The following NEMP2 variants were observed in gnomAD, a reference collection of about 807,000 sequenced individuals.
NEMP2 encodes the protein nuclear envelope integral membrane protein 2, also known as UPF0571 transmembrane protein.
A neutral mutation model predicts 54.2 loss-of-function variants in NEMP2; 53 were observed. That is an observed-to-expected ratio of 0.98 (90% CI 0.78 to 1.23). The LOEUF (loss-of-function observed/expected upper bound fraction) is 1.23. Among genes scored for constraint, NEMP2 ranks in the 50% most tolerant of loss-of-function variants. NEMP2 has a pLI of 0.00. For synonymous variants in NEMP2, 197 were observed against 190.3 expected (o/e 1.04, Z -0.29); for missense variants, 455 against 511.3 (o/e 0.89, Z 1.06).
the NEMP2 span, among the ~76,000 whole-genome samples, chr2:190,601,472 C>G: frequency 2.6e-5 from 4 of 152,176 alleles, no homozygotes; most frequent in South Asian, 8.3e-4. This position sits in a 1 kb window ranked among gnomAD's most constrained non-coding sequence, Gnocchi z 5.8. Flanking sequence ...GGTCTTGACT[C>G]AAAGCTCCTG....
chr2:190,492,007 G>A, the NEMP2 span, among the ~76,000 whole-genome samples: 2 of 152,134 alleles, frequency 1.3e-5, no homozygotes, highest in Non-Finnish European at 2.9e-5. The surrounding 1 kb of genome is among the most constrained non-coding windows in gnomAD (Gnocchi z 5.2). Flanking sequence ...TTACAGAAAT[G>A]CAAAATGTTC....
intron 1 of NEMP2, chr2:190,534,068 CAGA>C (rs1691264282): frequency 3.2e-6 from 3 of 950,086 alleles, no homozygotes; most frequent in Non-Finnish European, 2.5e-6. Context: ...CAGTCAGGGG[CAGA>C]AGAATTTTCG....
At chr2:190,595,862 C>G in the NEMP2 span, among the ~76,000 whole-genome samples, 5 of 152,092 alleles carry the variant, frequency 3.3e-5, no homozygotes, top group Admixed American at 2.6e-4. This position sits in a 1 kb window ranked among gnomAD's most constrained non-coding sequence, Gnocchi z 4.0. Context: ...GGACCTATAA[C>G]CAGAAATATC....
the NEMP2 span, chr2:190,626,617 G>A: frequency 2.2e-4 from 33 of 152,228 alleles, 1 homozygote; most frequent in Admixed American, 2.2e-3. The surrounding 1 kb of genome is among the most constrained non-coding windows in gnomAD (Gnocchi z 4.5). Context: ...TAAAAGTGCG[G>A]TACAGCTGCA....
At chr2:190,613,803 T>A in the NEMP2 span, among the ~76,000 whole-genome samples, 1 of 152,080 alleles carries the variant, frequency 6.6e-6, no homozygotes, top group Non-Finnish European at 1.5e-5. Flanking sequence ...TTGGCCAGGC[T>A]GCTCTTGAAC....
chr2:190,614,354 C>G, the NEMP2 span, among the ~76,000 whole-genome samples: 5 of 151,724 alleles, frequency 3.3e-5, no homozygotes, highest in South Asian at 1.1e-3. The surrounding 1 kb of genome is among the most constrained non-coding windows in gnomAD (Gnocchi z 5.7). Context: ...GTTGTAATAG[C>G]TATTAATGAA....
At chr2:190,557,567 G>A in the NEMP2 span, among the ~76,000 whole-genome samples, 1 of 151,742 alleles carries the variant, frequency 6.6e-6, no homozygotes, top group South Asian at 2.1e-4. Context: ...TTTTTGCAAT[G>A]TATCCATCTG....
upstream of NEMP2, chr2:190,535,034 G>A (rs1445240253): frequency 5.5e-6 from 1 of 181,026 alleles, no homozygotes; most frequent in Non-Finnish European, 1.1e-5. Flanking sequence ...GGGAGTTGCA[G>A]AGAGGAAGAG....
chr2:190,491,307 C>CA, the NEMP2 span, among the ~76,000 whole-genome samples: 24 of 152,162 alleles, frequency 1.6e-4, no homozygotes, highest in Admixed American at 1.4e-3. The surrounding 1 kb of genome is among the most constrained non-coding windows in gnomAD (Gnocchi z 4.2). Context: ...GACCGAGTAG[C>CA]ATGTGGAGAC....
the NEMP2 span, among the ~76,000 whole-genome samples, chr2:190,544,303 T>G: frequency 6.6e-6 from 1 of 152,204 alleles, no homozygotes; most frequent in Non-Finnish European, 1.5e-5. Flanking sequence ...TAATAAGTCA[T>G]GTCAAAACTA....
rs1184731689 is a variant in NEMP2 at position 190,519,794 on chromosome 2, G to C, written c.214-611C>G. On this transcript the variant is annotated intron_variant, in intron 2 of 8. Transcript: ENST00000409150. The surrounding 1 kb of genome is among the most constrained non-coding windows in gnomAD (Gnocchi z 5.4). ...TAAAAAGGATAAGAAGAATGTACAG[G>C]CATACCCATTTTATTGTTTTACATC... is the stretch of plus-strand genomic sequence containing the variant. Among the ~76,000 whole-genome samples, 1 of 152,122 alleles carries C rather than the reference G, an allele frequency of 6.6e-6. No individual in the cohort carries two copies. The highest frequency in any genetic ancestry group is 2.4e-5 in the African/African-American group (1 of 41,420).
the NEMP2 span, among the ~76,000 whole-genome samples, chr2:190,456,042 G>C: frequency 1.5e-5 from 2 of 134,054 alleles, no homozygotes; most frequent in Non-Finnish European, 1.5e-5. This position sits in a 1 kb window ranked among gnomAD's most constrained non-coding sequence, Gnocchi z 5.4. Flanking sequence ...CTGGGTTCAA[G>C]CAGTTCTCCT....
the NEMP2 span, among the ~76,000 whole-genome samples, chr2:190,459,030 C>T: frequency 2.6e-5 from 4 of 152,188 alleles, no homozygotes; most frequent in African/African-American, 9.7e-5. This position sits in a 1 kb window ranked among gnomAD's most constrained non-coding sequence, Gnocchi z 5.3. Context: ...GGGTCCATCC[C>T]CTCTTCAGTA....
At chr2:190,585,969 C>A in the NEMP2 span, among the ~76,000 whole-genome samples, 31 of 152,186 alleles carry the variant, frequency 2.0e-4, no homozygotes, top group African/African-American at 7.0e-4. The surrounding 1 kb of genome is among the most constrained non-coding windows in gnomAD (Gnocchi z 5.3). Flanking sequence ...GGTTAATGTC[C>A]CCTAGACACA....
At chr2:190,554,134 G>A in the NEMP2 span, among the ~76,000 whole-genome samples, 6 of 152,180 alleles carry the variant, frequency 3.9e-5, no homozygotes, top group Non-Finnish European at 8.8e-5. This position sits in a 1 kb window ranked among gnomAD's most constrained non-coding sequence, Gnocchi z 5.7. Context: ...CAGATACTGC[G>A]CTTTTCCCAC....
chr2:190,584,112 G>T, the NEMP2 span, among the ~76,000 whole-genome samples: 30 of 152,280 alleles, frequency 2.0e-4, no homozygotes, highest in African/African-American at 7.2e-4. This position sits in a 1 kb window ranked among gnomAD's most constrained non-coding sequence, Gnocchi z 4.2. Context: ...GTGCAACTTT[G>T]TCTCTGGGGG....
the NEMP2 span, among the ~76,000 whole-genome samples, chr2:190,438,105 A>AT: frequency 1.8e-4 from 28 of 151,778 alleles, no homozygotes; most frequent in Middle Eastern, 3.4e-3. The surrounding 1 kb of genome is among the most constrained non-coding windows in gnomAD (Gnocchi z 5.2). Context: ...GTTCTTAAGT[A>AT]TTTTTTTTGG....
At chr2:190,602,411 T>C in the NEMP2 span, among the ~76,000 whole-genome samples, 2 of 152,240 alleles carry the variant, frequency 1.3e-5, no homozygotes, top group African/African-American at 4.8e-5. Context: ...CTTCAACTGA[T>C]TGGATGATGC....
At chr2:190,452,954 T>C in the NEMP2 span, among the ~76,000 whole-genome samples, 6 of 152,232 alleles carry the variant, frequency 3.9e-5, no homozygotes, top group Admixed American at 3.9e-4. Flanking sequence ...ATTGTGCTCA[T>C]TCAATATTTC....
Sources: gnomAD v4.1 joint callset for allele counts (sites outside exome capture counted in the v4.1 genomes callset) on GRCh38, gnomAD v4.1.1 for gene constraint, Gnocchi (gnomAD v3.1) non-coding constraint, MANE v1.5 for transcripts, NCBI Gene and HGNC (gene_info 2026-07-23, HGNC 2026-07-21) for gene names.